Variants in SEZ6L2 observed in about 807,000 individuals in gnomAD.
The protein encoded by SEZ6L2 is seizure related 6 homolog like 2, also known as seizure 6-like protein 2.
A neutral mutation model predicts 97.0 loss-of-function variants in SEZ6L2; 44 were observed. The ratio of observed to expected loss-of-function variants is 0.45; its 90% CI spans 0.36 to 0.58. The LOEUF is 0.58. SEZ6L2 is among the 20% of genes least tolerant of loss of function. SEZ6L2 has a pLI of 0.00. For missense variants in SEZ6L2, 1,086 were observed against 1,233.3 expected (o/e 0.88, Z 1.79); for synonymous variants, 543 against 546.1 (o/e 0.99, Z 0.08).
Position 29,899,188 on chromosome 16 carries a change from A to T in SEZ6L2, c.-169T>A. On this transcript the variant is annotated 5_prime_UTR_variant, in exon 1 of 18. Coordinates refer to ENST00000617533, the MANE Select transcript of SEZ6L2 (RefSeq NM_001243332.2). ...TCTCTGCCCCTTGGGATGGAGGGGCAGAATTGGGCTAGGGGTCGCCTGGAG... is the reference window on the plus strand; with the variant it reads ...TCTCTGCCCCTTGGGATGGAGGGGCTGAATTGGGCTAGGGGTCGCCTGGAG... 1 of 588,260 alleles carries T rather than the reference A, an allele frequency of 1.7e-6. No individual in the cohort carries two copies. The highest frequency in any genetic ancestry group is 3.3e-5 in the East Asian group (1 of 30,616). 36.4% of individuals were successfully genotyped at this position (588,260 alleles called of 1,614,324 possible).
At position 29,878,308 on chromosome 16, in the gene SEZ6L2, C is replaced by T. The variant is rs1311011521; in HGVS notation, c.1691G>A (p.Arg564His). The change falls in exon 10 of 18, where the codon CGC (arginine) becomes CAC (histidine). Residue 564 changes from arginine to histidine, a missense_variant. By Grantham distance (29) the Arg-to-His change is conservative. Coordinates refer to ENST00000617533, the MANE Select transcript of SEZ6L2 (RefSeq NM_001243332.2). ...VWGVHVQEEKRILLQVEILNV... is the reference protein window; with the variant it reads ...VWGVHVQEEKHILLQVEILNV... ...ATACATCTCAACTTGGAGCAAGATG[C>T]GCTTCTCTTCCTGGACGTGCACGCC... 1.9e-6 allele frequency: 3 copies of T among 1,592,920 alleles called. No homozygotes were observed. Among genetic ancestry groups the T allele is most frequent in the Non-Finnish European group, 2.6e-6 (3 of 1,168,548 alleles).
At chr16:29,885,528 T>C in intron 8 of SEZ6L2, 58 bp downstream of exon 8, 1 of 1,559,612 alleles carries the variant, frequency 6.4e-7, no homozygotes, top group South Asian at 1.1e-5. Flanking sequence ...CTATGCTTGG[T>C]GTCAGGAAGA....
chr16:29,897,093 G>T lies in SEZ6L2; in HGVS notation c.240C>A (p.Thr80=), dbSNP rs2068417669. 1 of 1,580,088 alleles carries T rather than the reference G, an allele frequency of 6.3e-7. No homozygotes were observed. Among genetic ancestry groups the T allele is most frequent in the Admixed American group, 1.7e-5 (1 of 58,098 alleles). The change falls in exon 3 of 18, where the codon ACC becomes ACA. Residue 80 remains threonine, a synonymous_variant. Coordinates refer to ENST00000617533, the MANE Select transcript of SEZ6L2 (RefSeq NM_001243332.2). ...CTGCGAGAGTCTGGCCGGCCGGAGG[G>T]GTGGCTAGCGTGGGGTCCCGATCAG... ...PGSDRDPTLA[T]PPAGQTLAVP... is the part of the protein sequence containing the mutation.
chr16:29,897,113 G>C lies in SEZ6L2; in HGVS notation c.220C>G (p.Arg74Gly). ...GGAGGGGTGGCTAGCGTGGGGTCCC[G>C]ATCAGATCCTGGGACAGTGCAGGGA... Reference protein sequence around the residue: ...PEMGYLPGSDRDPTLATPPAG... With the variant: ...PEMGYLPGSDGDPTLATPPAG... Residue 74 changes from arginine (R) to glycine (G), a missense_variant, in exon 3 of 18, where the codon CGG becomes GGG. Physicochemically the swap from Arg to Gly is moderately radical, Grantham distance 125. Coordinates refer to ENST00000617533, the MANE Select transcript of SEZ6L2 (RefSeq NM_001243332.2). The C allele has an allele frequency of 6.4e-7, 1 of 1,564,818 alleles. No individual in the cohort carries two copies. The highest frequency in any genetic ancestry group is 8.6e-7 in the Non-Finnish European group (1 of 1,161,338).
chr16:29,889,347 G>A (rs961533321), intron 5 of SEZ6L2, among the ~76,000 whole-genome samples: 35 of 152,020 alleles, frequency 2.3e-4, no homozygotes, highest in African/African-American at 8.0e-4. Context: ...GCTGAGGCAG[G>A]AGAATCACTT....
In SEZ6L2 at chr16:29,895,272, C is replaced by A; in HGVS notation, c.840G>T (p.Arg280Ser). The change falls in exon 5 of 18, where the codon AGG (arginine) becomes AGT (serine). Residue 280 changes from arginine to serine, a missense_variant. Arg to Ser is a moderately radical substitution (Grantham distance 110, BLOSUM62 -1). Around this residue, in one of 2 missense-constraint regions of SEZ6L2, gnomAD observed 776 missense variants for 794.7 expected, o/e 0.98. Transcript: ENST00000617533. ...CAAACTCCTCACCCTGATAGTGGAT[C>A]CTGAAGCCACCGCCCCTTGGGACCC... The part of the protein sequence containing the change: ...SPRVPRGGGF[R>S]IHYQAYLLSC... 8 of 1,613,898 alleles carry A rather than the reference C, an allele frequency of 5.0e-6. No homozygotes were observed. The highest frequency in any genetic ancestry group is 1.7e-4 in the Middle Eastern group (1 of 6,054).
In SEZ6L2 at chr16:29,872,251, C is replaced by A. The variant is rs1302216522; in HGVS notation, c.2678G>T (p.Gly893Val). The change falls in exon 17 of 18, where the codon GGC becomes GTC. Residue 893 changes from glycine to valine, a missense_variant. Gly to Val is a moderately radical substitution (Grantham distance 109, BLOSUM62 -3). Coordinates refer to ENST00000617533, the MANE Select transcript of SEZ6L2 (RefSeq NM_001243332.2). ...LQGKSLFGFSGSHSYSPITVE... is the reference protein window; with the variant it reads ...LQGKSLFGFSVSHSYSPITVE... ...GGTGATGGGGCTGTAGGAGTGGGAG[C>A]CCGAGAAGCCGAAAAGGGACTTTCC... 6.2e-7 allele frequency: 1 copy of A among 1,612,304 alleles called. No homozygotes were observed. Among genetic ancestry groups the A allele is most frequent in the Non-Finnish European group, 8.5e-7 (1 of 1,179,308 alleles).
In SEZ6L2 at chr16:29,899,113, T is replaced by G. The variant is rs1224166417; in HGVS notation, c.-94A>C. 3.1e-5 allele frequency: 8 copies of G among 261,302 alleles called. No homozygotes were observed. The highest frequency in any genetic ancestry group is 1.8e-4 in the South Asian group (4 of 22,150). 16.2% of individuals were successfully genotyped at this position (261,302 alleles called of 1,614,324 possible). On this transcript the variant is annotated 5_prime_UTR_variant, in exon 1 of 18. Transcript: ENST00000617533. ...CCGTTTATCTTTCCCTTTAATTGTT[T>G]TTTTTTTTTTTTTTTTTTTCCTCGT...
chr16:29,895,528 C>T (rs889229480), intron 4 of SEZ6L2, 68 bp from the exon 5 acceptor site: 2 of 1,554,510 alleles, frequency 1.3e-6, no homozygotes, highest in East Asian at 2.2e-5. Context: ...AGCCCCTGTC[C>T]TGTGCCTTTG....
Position 29,873,214 on chromosome 16 carries a change from C to G in SEZ6L2, c.2488+26G>C. On this transcript the variant is annotated intron_variant, in intron 14 of 17. Coordinates refer to ENST00000617533, the MANE Select transcript of SEZ6L2 (RefSeq NM_001243332.2). This position sits in a 1 kb window ranked among gnomAD's most constrained non-coding sequence, Gnocchi z 4.3. The stretch of plus-strand genomic sequence containing the variant: ...TGTCACTTCCCGGACACTGGTGTGC[C>G]CCTCCTGCCCTGTCTGGCCAGGCAC... 6.2e-7 allele frequency: 1 copy of G among 1,611,182 alleles called. No homozygotes were observed. The highest frequency in any genetic ancestry group is 8.5e-7 in the Non-Finnish European group (1 of 1,178,530).
In SEZ6L2 at chr16:29,897,942, C is replaced by T; in HGVS notation, c.122G>A (p.Ser41Asn). 6.2e-7 allele frequency: 1 copy of T among 1,613,820 alleles called. No individual in the cohort carries two copies. The highest frequency in any genetic ancestry group is 8.5e-7 in the Non-Finnish European group (1 of 1,179,844). Residue 41 changes from serine (S) to asparagine (N), a missense_variant, in exon 2 of 18, where the codon AGT becomes AAT. Around this residue, in one of 2 missense-constraint regions of SEZ6L2, gnomAD observed 776 missense variants for 794.7 expected, o/e 0.98. Transcript: ENST00000617533. ...KEEEILPEPG[S>N]ETPTVASEAL... Reference sequence around the variant, plus strand: ...CTCAGAGGCCACCGTGGGGGTCTCACTTCCAGGCTCTGGCAATATCTCCTC... The same window carrying T: ...CTCAGAGGCCACCGTGGGGGTCTCATTTCCAGGCTCTGGCAATATCTCCTC...
At chr16:29,885,100 C>T (rs1221649348) in intron 8 of SEZ6L2, among the ~76,000 whole-genome samples, 2 of 151,978 alleles carry the variant, frequency 1.3e-5, no homozygotes, top group Non-Finnish European at 2.9e-5. Context: ...CCCAGCTACT[C>T]GGGAGGCTGA....
At chr16:29,889,896 A>G (rs2150806852) in intron 5 of SEZ6L2, among the ~76,000 whole-genome samples, 1 of 146,802 alleles carries the variant, frequency 6.8e-6, no homozygotes, top group Middle Eastern at 3.9e-3. Context: ...AAATTTGACT[A>G]TTTTGTCTTT....
chr16:29,893,142 T>C (rs1461696482), intron 5 of SEZ6L2, among the ~76,000 whole-genome samples: 2 of 151,606 alleles, frequency 1.3e-5, no homozygotes, highest in African/African-American at 4.9e-5. Flanking sequence ...CTGACCAACA[T>C]GGAGAAACCC....
intron 8 of SEZ6L2, among the ~76,000 whole-genome samples, chr16:29,881,025 C>T (rs766433594): frequency 9.9e-5 from 15 of 151,980 alleles, no homozygotes; most frequent in East Asian, 5.8e-4. Flanking sequence ...CCGCTGGCCT[C>T]GGCCTCCCAA....
chr16:29,890,922 T>G (rs1048337354), intron 5 of SEZ6L2, among the ~76,000 whole-genome samples: 1 of 150,860 alleles, frequency 6.6e-6, no homozygotes, highest in African/African-American at 2.4e-5. Context: ...CTAATTTTGG[T>G]ATTTTTATTA....
chr16:29,895,596 A>T lies in SEZ6L2; in HGVS notation c.651+125T>A. 3 of 1,430,864 alleles carry T rather than the reference A, an allele frequency of 2.1e-6. No homozygotes were observed. The South Asian group carries it at 4.0e-5, about 19-fold the overall frequency. 88.6% of individuals were successfully genotyped at this position (1,430,864 alleles called of 1,614,324 possible). A position where few individuals can be genotyped will look rare whatever the true frequency, so the allele number is the denominator to read the frequency against. On this transcript the variant is annotated intron_variant, in intron 4 of 17. Coordinates refer to ENST00000617533, the MANE Select transcript of SEZ6L2 (RefSeq NM_001243332.2). ...TGCTGCCCAAGTTGTAGAAATCTAG[A>T]AGAGTTTTTGAGGTCACCTGAGTCA...
chr16:29,891,264 A>C lies in SEZ6L2; in HGVS notation c.854-2539T>G, dbSNP rs930020279. 8.2e-5 allele frequency among the ~76,000 whole-genome samples: 7 copies of C among 85,300 alleles called. No individual in the cohort carries two copies. The East Asian group carries it at 1.2e-3, about 14-fold the overall frequency. 56.0% of individuals were successfully genotyped at this position (85,300 alleles called of 152,430 possible). ...TTTTCAGTACAGACAGTGTTTCACT[A>C]TGTTGGCCAGGCTGGTCTTGAACTC... On this transcript the variant is annotated intron_variant, in intron 5 of 17. Transcript: ENST00000617533.
rs369416548 is a variant in SEZ6L2 at position 29,871,513 on chromosome 16, C to T, written c.*186G>A. 863 of 653,594 alleles carry T rather than the reference C, an allele frequency of 1.3e-3. 11 individuals carry two copies. In the South Asian group the frequency reaches 0.015, roughly 11 times the overall value. 40.5% of individuals were successfully genotyped at this position (653,594 alleles called of 1,614,324 possible). A position where few individuals can be genotyped will look rare whatever the true frequency, so the allele number is the denominator to read the frequency against. On this transcript the variant is annotated 3_prime_UTR_variant, in exon 18 of 18. Transcript: ENST00000617533. ...GCAACTGAGAAGAGGCGGCTTTGGG[C>T]GGCAGGATGCTGGTTTATTTACTGT...
Sources: gnomAD v4.1 joint callset for allele counts (sites outside exome capture counted in the v4.1 genomes callset) on GRCh38, gnomAD v4.1.1 for gene constraint, gnomAD v4.1.1 regional missense constraint, Gnocchi (gnomAD v3.1) non-coding constraint, MANE v1.5 for transcripts, NCBI Gene and HGNC (gene_info 2026-07-23, HGNC 2026-07-21) for gene names.